Variants in PUDP observed in about 807,000 individuals in gnomAD.
PUDP encodes the protein pseudouridine-5'-phosphatase.
A neutral mutation model predicts 9.4 loss-of-function variants in PUDP; 8 were observed. That is an observed-to-expected ratio of 0.85 (90% confidence interval 0.50 to 1.53). The LOEUF is 1.53. Among genes scored for constraint, PUDP ranks in the 40% most tolerant of loss-of-function variants. PUDP has a pLI of 0.00. For missense variants in PUDP, 188 were observed against 189.7 expected, an observed-to-expected ratio of 0.99 and a Z score of 0.05; for synonymous variants, 99 against 80.7, an observed-to-expected ratio of 1.23 and a Z score of -1.22.
chrX:6,859,223 T>A (rs1271331499), intron 3 of PUDP, among the ~76,000 whole-genome samples: 1 of 111,622 alleles, frequency 9.0e-6, no homozygotes, highest in East Asian at 2.8e-4. Flanking sequence ...CAGCCTTGGG[T>A]ATGTCTTTAT....
chrX:6,827,200 C>T lies in PUDP; in HGVS notation c.*248-120734G>A, dbSNP rs550292105. 1.4e-4 allele frequency among the ~76,000 whole-genome samples: 16 copies of T among 111,809 alleles called. No homozygotes were observed. The South Asian group carries it at 6.0e-3, about 42-fold the overall frequency. The stretch of plus-strand genomic sequence containing the variant: ...AGTGTAAATCCTTCTGGATTGGTGA[C>T]CCAAGCTCATTATTATGAAAAGGAA... On this transcript the variant is annotated intron_variant and NMD_transcript_variant, in intron 3 of 3. Coordinates refer to the PUDP transcript ENST00000655425.
chrX:7,065,990 T>A (rs1164162506), intron 3 of PUDP, among the ~76,000 whole-genome samples: 1 of 112,407 alleles, frequency 8.9e-6, no homozygotes, highest in Non-Finnish European at 1.9e-5. Flanking sequence ...CAATAATTAT[T>A]AGTAATAATT....
chrX:6,826,949 CA>C (rs1460663432), intron 3 of PUDP, among the ~76,000 whole-genome samples: 2 of 111,844 alleles, frequency 1.8e-5, no homozygotes, highest in Non-Finnish European at 3.8e-5. Context: ...TGTTCAGCAG[CA>C]AGGATTTAAG....
intron 1 of PUDP, among the ~76,000 whole-genome samples, chrX:6,710,826 C>T (rs17221209): frequency 0.27 from 30,223 of 110,929 alleles, 3,403 homozygotes; most frequent in Non-Finnish European, 0.35. Flanking sequence ...CAATTTCCTC[C>T]GAAGCCAATA....
intron 1 of PUDP, among the ~76,000 whole-genome samples, chrX:7,135,493 AC>A (rs769256041): frequency 8.9e-6 from 1 of 112,248 alleles, no homozygotes; most frequent in African/African-American, 3.2e-5. Flanking sequence ...AAAAATGAGC[AC>A]TAGGAAATGG....
At chrX:6,967,645 C>T (rs1300232480) in intron 3 of PUDP, among the ~76,000 whole-genome samples, 2 of 111,440 alleles carry the variant, frequency 1.8e-5, no homozygotes, top group African/African-American at 3.3e-5. Flanking sequence ...GCCTTGGAAG[C>T]GAACTTCTCT....
chrX:7,019,288 T>C (rs944421195), intron 1 of PUDP, among the ~76,000 whole-genome samples: 17 of 112,267 alleles, frequency 1.5e-4, no homozygotes, highest in African/African-American at 5.5e-4. Context: ...CATATCCACC[T>C]GGTCAATTTA....
chrX:7,030,994 T>A (rs1440815918), intron 1 of PUDP, among the ~76,000 whole-genome samples: 3 of 111,748 alleles, frequency 2.7e-5, no homozygotes, highest in Non-Finnish European at 5.6e-5. Flanking sequence ...AGGGGTTGAT[T>A]ATTCATGCCT....
intron 1 of PUDP, among the ~76,000 whole-genome samples, chrX:7,109,162 C>CTTAG (rs1263499350): frequency 8.9e-6 from 1 of 111,948 alleles, no homozygotes; most frequent in African/African-American, 3.2e-5. Context: ...GAAAAGCCTC[C>CTTAG]TCTAAGGGAG....
chrX:6,878,931 G>A (rs1254345287), intron 3 of PUDP, among the ~76,000 whole-genome samples: 1 of 111,622 alleles, frequency 9.0e-6, no homozygotes, highest in Non-Finnish European at 1.9e-5. Context: ...CTATTGCTTA[G>A]AAGGCCGATT....
At chrX:7,010,383 G>C (rs753777736) in intron 1 of PUDP, among the ~76,000 whole-genome samples, 9 of 111,896 alleles carry the variant, frequency 8.0e-5, no homozygotes, top group African/African-American at 2.9e-4. Context: ...TATGGACACT[G>C]CACCACTGTG....
At chrX:6,763,449 C>G (rs752493577) in intron 3 of PUDP, among the ~76,000 whole-genome samples, 2 of 112,195 alleles carry the variant, frequency 1.8e-5, no homozygotes, top group East Asian at 5.6e-4. Flanking sequence ...TATTAGAACA[C>G]AACCACACCT....
At chrX:6,812,382 C>A (rs1456362306) in intron 3 of PUDP, among the ~76,000 whole-genome samples, 1 of 111,901 alleles carries the variant, frequency 8.9e-6, no homozygotes, top group Non-Finnish European at 1.9e-5. Context: ...TAATTTTTTT[C>A]TTTAAAACAA....
At chrX:6,939,443 T>C (rs1018923363) in intron 3 of PUDP, among the ~76,000 whole-genome samples, 7 of 108,069 alleles carry the variant, frequency 6.5e-5, no homozygotes, top group Non-Finnish European at 1.1e-4. Flanking sequence ...TTGTGATTCC[T>C]TAAAGTCATC....
chrX:6,728,753 C>T (rs1034832080), intron 3 of PUDP, among the ~76,000 whole-genome samples: 3 of 111,722 alleles, frequency 2.7e-5, no homozygotes, highest in Non-Finnish European at 3.8e-5. Flanking sequence ...TTTGTTGCAA[C>T]GAAGTCACCC....
chrX:7,034,079 A>G (rs1435153552), intron 1 of PUDP, among the ~76,000 whole-genome samples: 3 of 112,016 alleles, frequency 2.7e-5, no homozygotes, highest in Non-Finnish European at 5.6e-5. Flanking sequence ...AAGAAGTTGA[A>G]AAGAATATTT....
intron 3 of PUDP, chrX:7,057,442 A>G (rs975439002): frequency 8.0e-5 from 24 of 301,608 alleles, no homozygotes; most frequent in Non-Finnish European, 1.3e-4. Flanking sequence ...GGAGGGAAAC[A>G]GTCCAAACAC....
At chrX:7,137,941 G>A (rs766214589) in intron 1 of PUDP, among the ~76,000 whole-genome samples, 46 of 111,956 alleles carry the variant, frequency 4.1e-4, no homozygotes, top group Non-Finnish European at 5.8e-4. Flanking sequence ...TATGGGAGAG[G>A]AGTCAGTTCA....
At chrX:6,722,722 G>A (rs1375423438), upstream of PUDP, among the ~76,000 whole-genome samples, 1 of 111,583 alleles carries the variant, frequency 9.0e-6, no homozygotes, top group African/African-American at 3.2e-5. Context: ...AAGAACTCCT[G>A]CAAATCAATA....
Sources: allele counts gnomAD v4.1 joint callset (sites outside exome capture counted in the v4.1 genomes callset), GRCh38; gene constraint gnomAD v4.1.1; transcripts MANE v1.5; gene names NCBI Gene and HGNC (gene_info 2026-07-23, HGNC 2026-07-21).